The following TEKT1 variants were observed in gnomAD, a reference collection of about 807,000 sequenced individuals.
TEKT1 encodes the protein tektin 1, also known as tektin-1.
Under a neutral mutation model 34.8 loss-of-function variants are expected in TEKT1, and 32 were observed. The ratio of observed to expected loss-of-function variants is 0.92; its 90% CI spans 0.69 to 1.23. The LOEUF (loss-of-function observed/expected upper bound fraction) is 1.23, where lower values mean the gene tolerates loss of function less well. TEKT1 is among the 50% of genes most tolerant of loss of function. The probability of loss-of-function intolerance (pLI) is 0.00; values close to 1 mark genes in which losing one functional copy is unlikely to be tolerated. For synonymous variants in TEKT1, 207 were observed against 199.8 expected, an observed-to-expected ratio of 1.04 and a Z score of -0.30; for missense variants, 492 against 518.5, an observed-to-expected ratio of 0.95 and a Z score of 0.50.
Position 6,812,922 on chromosome 17 carries a change from C to T in TEKT1, c.761G>A (p.Arg254His), listed in dbSNP as rs199699690. The change falls in exon 6 of 8, where the codon CGC (arginine) becomes CAC (histidine). Residue 254 changes from arginine to histidine, a missense_variant. By Grantham distance (29) the Arg-to-His change is conservative. Transcript: ENST00000338694. ...RILSQTANDLRKQCDVVDTAF... is the reference protein window; with the variant it reads ...RILSQTANDLHKQCDVVDTAF... ...CGTGTCCACCACATCACACTGCTTG[C>T]GCAGATCATTGGCTGTCTGGGACAG... 2.1e-4 allele frequency: 332 copies of T among 1,614,212 alleles called. No individual in the cohort carries two copies. Among genetic ancestry groups the T allele is most frequent in the Admixed American group, 3.5e-4 (21 of 60,024 alleles).
intron 2 of TEKT1, among the ~76,000 whole-genome samples, chr17:6,822,717 C>A (rs1038385989): frequency 7.9e-5 from 12 of 152,142 alleles, no homozygotes; most frequent in African/African-American, 2.9e-4. Flanking sequence ...TAGTGTATGT[C>A]TTCTTTTTCT....
chr17:6,803,137 T>C (rs905755472), intron 6 of TEKT1, among the ~76,000 whole-genome samples: 4 of 152,180 alleles, frequency 2.6e-5, no homozygotes, highest in Non-Finnish European at 4.4e-5. Flanking sequence ...CCTGACTTTT[T>C]AATGATCGCC....
Position 6,830,364 on chromosome 17 carries a change from A to G in TEKT1, c.13T>C (p.Leu5=), listed in dbSNP as rs772406153. 4.4e-6 allele frequency: 7 copies of G among 1,586,316 alleles called. No homozygotes were observed. In the South Asian group the frequency reaches 8.2e-5, roughly 19 times the overall value. Residue 5 remains leucine (L), a synonymous_variant, in exon 2 of 8, where the codon TTA becomes CTA. Transcript: ENST00000338694. The part of the protein sequence containing the change: MAKL[L]QPPPKFLPSE... ...GGCAGGAACTTGGGTGGAGGTTGTA[A>G]TAGTTTAGCCATTTGAGGTTTCCAA...
chr17:6,800,319 G>A lies in TEKT1; in HGVS notation c.1050-85C>T, dbSNP rs1216230417. 8.3e-6 allele frequency: 10 copies of A among 1,205,694 alleles called. No homozygotes were observed. The Admixed American group carries it at 1.4e-4, about 17-fold the overall frequency. The allele number at this position is 1,205,694 out of a possible 1,614,324, so 74.7% of individuals were successfully genotyped here. ...GAAAGAATGTTCCCCAGTGTTCAGT[G>A]CAGGAGCCAAATTGATATGTGCTCT... On this transcript the variant is annotated intron_variant, in intron 7 of 7. Coordinates refer to ENST00000338694, the MANE Select transcript of TEKT1 (RefSeq NM_053285.2).
intron 2 of TEKT1, among the ~76,000 whole-genome samples, chr17:6,827,703 A>G (rs1273654268): frequency 6.6e-6 from 1 of 152,174 alleles, no homozygotes. Context: ...ACACTTTTAA[A>G]TACTAGGTTT....
At chr17:6,800,706 T>A (rs550396323) in intron 7 of TEKT1, 41 bp downstream of exon 7, 2 of 1,577,962 alleles carry the variant, frequency 1.3e-6, no homozygotes, top group Admixed American at 3.5e-5. Flanking sequence ...CAGGTTGGGA[T>A]TGAGACCCGA....
In TEKT1 at chr17:6,830,065, A is replaced by C. The variant is rs186368362; in HGVS notation, c.190+122T>G. On this transcript the variant is annotated intron_variant, in intron 2 of 7. Transcript: ENST00000338694. ...TGAACTTAAACATAGAACCTGGAGAATACACATGATTTTCTCTAATATTCA... is the reference window on the plus strand; with the variant it reads ...TGAACTTAAACATAGAACCTGGAGACTACACATGATTTTCTCTAATATTCA... 932 of 996,236 alleles carry C rather than the reference A, an allele frequency of 9.4e-4. 10 individuals carry two copies. Among genetic ancestry groups the C allele is most frequent in the Middle Eastern group, 1.8e-3 (6 of 3,352 alleles). 61.7% of individuals were successfully genotyped at this position (996,236 alleles called of 1,614,324 possible).
intron 2 of TEKT1, among the ~76,000 whole-genome samples, chr17:6,828,229 C>A (rs1228843370): frequency 6.6e-6 from 1 of 152,214 alleles, no homozygotes; most frequent in Admixed American, 6.5e-5. Context: ...CAGGCGTGAG[C>A]CACCATGCCC....
chr17:6,803,857 C>T (rs1976810750), intron 6 of TEKT1, among the ~76,000 whole-genome samples: 1 of 152,166 alleles, frequency 6.6e-6, no homozygotes, highest in African/African-American at 2.4e-5. Flanking sequence ...GTTTTGGTTA[C>T]TGGAGCCTTG....
intron 7 of TEKT1, 137 bp downstream of exon 7, chr17:6,800,610 T>G (rs74520150): frequency 0.097 from 106,905 of 1,098,676 alleles, 5,744 homozygotes; most frequent in Middle Eastern, 0.19. Context: ...GGTGGAGACT[T>G]CCCTCTAGGG....
chr17:6,820,564 C>T (rs1326019224), intron 2 of TEKT1, among the ~76,000 whole-genome samples: 5 of 152,040 alleles, frequency 3.3e-5, no homozygotes, highest in African/African-American at 9.7e-5. Context: ...GTGATTCCTT[C>T]AGTTTCTTTA....
chr17:6,824,578 TCTC>T (rs1904344717), intron 2 of TEKT1, among the ~76,000 whole-genome samples: 1 of 152,214 alleles, frequency 6.6e-6, no homozygotes, highest in Non-Finnish European at 1.5e-5. Context: ...GCACCTTTTC[TCTC>T]CATCTTTACT....
intron 6 of TEKT1, among the ~76,000 whole-genome samples, chr17:6,809,764 A>C (rs1052491621): frequency 1.3e-5 from 2 of 152,346 alleles, no homozygotes; most frequent in Middle Eastern, 3.4e-3. Flanking sequence ...ATGAGTTTCA[A>C]ATCAGCTTCT....
chr17:6,830,768 C>T (rs943130127), intron 1 of TEKT1, among the ~76,000 whole-genome samples: 2 of 152,016 alleles, frequency 1.3e-5, no homozygotes, highest in African/African-American at 2.4e-5. Context: ...GCAGTTTGTT[C>T]GTTCTCGTTG....
At position 6,799,976 on chromosome 17, in the gene TEKT1, GTAACT is replaced by G; in HGVS notation, c.*46_*50del. On this transcript the variant is annotated 3_prime_UTR_variant, in exon 8 of 8. Transcript: ENST00000338694. Reference sequence around the variant, plus strand: ...CCTGAAATGAGAGCTCTGTACTACTGTAACTACTGTTTACAATGTGGTTTAATGAG... The same window carrying G: ...CCTGAAATGAGAGCTCTGTACTACTGACTGTTTACAATGTGGTTTAATGAG... 1.3e-6 allele frequency: 2 copies of G among 1,550,494 alleles called. No individual in the cohort carries two copies. Among genetic ancestry groups the G allele is most frequent in the Non-Finnish European group, 1.7e-6 (2 of 1,149,644 alleles).
rs756471744 is a variant in TEKT1, at chr17:6,800,836, C to T, written c.960G>A (p.Arg320=). ...ACAGCTCCACGTTCGGCCGGTGTGT[C>T]CTGGTCTCCAAGCGCGTATGAGCCA... ...AKVAHTRLET[R]THRPNVELCR... Residue 320 remains arginine, a synonymous_variant, in exon 7 of 8, where the codon AGG becomes AGA. Transcript: ENST00000338694. 1 of 1,614,148 alleles carries T rather than the reference C, an allele frequency of 6.2e-7. No homozygotes were observed. Among genetic ancestry groups the T allele is most frequent in the South Asian group, 1.1e-5 (1 of 91,078 alleles).
intron 7 of TEKT1, 138 bp downstream of exon 7, chr17:6,800,609 T>C: frequency 9.1e-7 from 1 of 1,095,406 alleles, no homozygotes; most frequent in Non-Finnish European, 1.3e-6. Flanking sequence ...TGGTGGAGAC[T>C]TCCCTCTAGG....
In TEKT1 at chr17:6,808,530, C is replaced by T. The variant is rs372884561; in HGVS notation, c.852+4301G>A. 1.9e-3 allele frequency among the ~76,000 whole-genome samples: 285 copies of T among 152,240 alleles called. 5 individuals are homozygous for T. In the East Asian group the frequency reaches 0.037, roughly 20 times the overall value. ...ATGAACCTGGTACCTCAGTTGGAAA[C>T]GCAGAAATCACCCATCTTCTGCGTC... On this transcript the variant is annotated intron_variant, in intron 6 of 7. Coordinates refer to ENST00000338694, the MANE Select transcript of TEKT1 (RefSeq NM_053285.2).
intron 4 of TEKT1, 23 bp from the exon 5 acceptor site, chr17:6,815,329 G>T (rs1976990154): frequency 6.2e-7 from 1 of 1,614,046 alleles, no homozygotes; most frequent in African/African-American, 1.3e-5. Flanking sequence ...AGTAAACTGG[G>T]TTTCTGCCTC....
Sources: gnomAD v4.1 joint callset for allele counts (sites outside exome capture counted in the v4.1 genomes callset) on GRCh38, gnomAD v4.1.1 for gene constraint, MANE v1.5 for transcripts, NCBI Gene and HGNC (gene_info 2026-07-23, HGNC 2026-07-21) for gene names.